The following CSMD1 variants were observed in gnomAD, a reference collection of about 807,000 sequenced individuals.
CSMD1 encodes CUB and sushi domain-containing protein 1.
Under a neutral mutation model 417.5 loss-of-function variants are expected in CSMD1, and 213 were observed. The observed-to-expected ratio is 0.51, with a 90% confidence interval of 0.46 to 0.57. CSMD1 has a LOEUF of 0.57. CSMD1 is among the 20% of genes least tolerant of loss of function. The pLI is 0.00. For missense variants in CSMD1, 6,923 were observed against 4,529.7 expected (o/e 1.53, Z -15.17); for synonymous variants, 2,862 against 1,736.8 (o/e 1.65, Z -16.11).
rs151019518 is a variant in CSMD1, at chr8:4,114,043, C to T, written c.416-81944G>A. ...GAACATCTAAGATCATTGATGAAGA[C>T]GGCTACAATAAACAACAGATTTTCC... On this transcript the variant is annotated intron_variant, in intron 3 of 69. Transcript: ENST00000635120. Among the ~76,000 whole-genome samples the T allele has an allele frequency of 2.8e-4, 42 of 152,258 alleles. No individual in the cohort carries two copies. The East Asian group carries it at 6.4e-3, about 23-fold the overall frequency.
chr8:3,425,493 C>T (rs148420538), intron 12 of CSMD1, among the ~76,000 whole-genome samples: 203 of 148,044 alleles, frequency 1.4e-3, no homozygotes, highest in African/African-American at 4.2e-3. Context: ...GAGGCTGAGG[C>T]AGGAGAACCG....
At chr8:4,368,264 G>T (rs570760653) in intron 3 of CSMD1, among the ~76,000 whole-genome samples, 1 of 151,966 alleles carries the variant, frequency 6.6e-6, no homozygotes, top group Non-Finnish European at 1.5e-5. Context: ...TGGCTTTTTT[G>T]TTCTGTGTAT....
chr8:3,117,762 C>T (rs773480776), intron 42 of CSMD1, among the ~76,000 whole-genome samples: 15 of 152,180 alleles, frequency 9.9e-5, no homozygotes, highest in Non-Finnish European at 1.9e-4. Context: ...CACCATCAAA[C>T]GAGAACTTGC....
At chr8:4,818,262 C>T (rs932011947) in intron 1 of CSMD1, among the ~76,000 whole-genome samples, 1 of 152,060 alleles carries the variant, frequency 6.6e-6, no homozygotes, top group African/African-American at 2.4e-5. Flanking sequence ...ACGATTTTCT[C>T]GTAGGTCACC....
At chr8:3,965,773 A>C (rs1812642290) in intron 5 of CSMD1, among the ~76,000 whole-genome samples, 1 of 151,960 alleles carries the variant, frequency 6.6e-6, no homozygotes, top group African/African-American at 2.4e-5. Context: ...ATGTGACACC[A>C]CACCTGGCTA....
chr8:4,159,893 G>T (rs1052977904), intron 3 of CSMD1, among the ~76,000 whole-genome samples: 1 of 151,744 alleles, frequency 6.6e-6, no homozygotes, highest in African/African-American at 2.4e-5. Flanking sequence ...AGCCTATGAG[G>T]ATGCAAAGGC....
chr8:3,655,761 G>T (rs895212653), intron 7 of CSMD1, among the ~76,000 whole-genome samples: 1 of 151,786 alleles, frequency 6.6e-6, no homozygotes, highest in Non-Finnish European at 1.5e-5. Flanking sequence ...AATTAGCTAC[G>T]GCTGTAGGAG....
chr8:4,741,770 C>T (rs376910553), intron 1 of CSMD1, among the ~76,000 whole-genome samples: 1 of 152,092 alleles, frequency 6.6e-6, no homozygotes, highest in South Asian at 2.1e-4. Flanking sequence ...CAACCCAGAC[C>T]TGCAGGATGC....
chr8:4,017,232 C>G (rs763812957), intron 4 of CSMD1, among the ~76,000 whole-genome samples: 3 of 152,132 alleles, frequency 2.0e-5, no homozygotes, highest in Non-Finnish European at 2.9e-5. Context: ...ATTGTCAGCA[C>G]TATTTTTTTC....
chr8:4,659,341 C>T (rs1000617599), intron 1 of CSMD1, among the ~76,000 whole-genome samples: 2 of 152,066 alleles, frequency 1.3e-5, no homozygotes, highest in Non-Finnish European at 2.9e-5. Flanking sequence ...TCCAAGCTGG[C>T]AGGTAAAATG....
At chr8:4,070,121 T>G (rs1042178103) in intron 3 of CSMD1, among the ~76,000 whole-genome samples, 3 of 152,166 alleles carry the variant, frequency 2.0e-5, no homozygotes, top group African/African-American at 7.2e-5. Context: ...AGTCTTCTTG[T>G]AAATATTACA....
chr8:3,993,988 A>G (rs1235705202), intron 5 of CSMD1, among the ~76,000 whole-genome samples: 1 of 152,146 alleles, frequency 6.6e-6, no homozygotes, highest in Non-Finnish European at 1.5e-5. Flanking sequence ...ACAGGGGCAA[A>G]CTGCAAGGGG....
At chr8:4,459,105 T>C (rs887140432) in intron 2 of CSMD1, among the ~76,000 whole-genome samples, 3 of 152,166 alleles carry the variant, frequency 2.0e-5, no homozygotes, top group Non-Finnish European at 4.4e-5. Flanking sequence ...AGGGTACGCT[T>C]CTAACCAGGA....
intron 5 of CSMD1, among the ~76,000 whole-genome samples, chr8:3,781,805 T>C (rs1799203005): frequency 6.6e-6 from 1 of 152,148 alleles, no homozygotes; most frequent in Admixed American, 6.5e-5. Context: ...TTTAAAAAAG[T>C]TATGACTTTT....
At chr8:4,977,041 A>C (rs1584943811) in intron 1 of CSMD1, among the ~76,000 whole-genome samples, 1 of 152,244 alleles carries the variant, frequency 6.6e-6, no homozygotes, top group East Asian at 1.9e-4. Flanking sequence ...TGTTGGCAAA[A>C]TGCTCATTTT....
chr8:3,610,119 G>A (rs947685474), intron 8 of CSMD1, among the ~76,000 whole-genome samples: 1 of 151,924 alleles, frequency 6.6e-6, no homozygotes, highest in Non-Finnish European at 1.5e-5. Context: ...TTATATGAGA[G>A]GCCCACCATG....
chr8:3,278,288 A>G (rs1802460975), intron 26 of CSMD1: 1 of 152,230 alleles, frequency 6.6e-6, no homozygotes, highest in Admixed American at 6.5e-5. Flanking sequence ...ATTATTTTTT[A>G]AAATGTACTT....
intron 10 of CSMD1, among the ~76,000 whole-genome samples, chr8:3,507,811 G>A (rs1010605199): frequency 1.3e-5 from 2 of 152,276 alleles, no homozygotes; most frequent in East Asian, 3.9e-4. Context: ...CTTCTTTTGA[G>A]AAATATCTGT....
intron 3 of CSMD1, among the ~76,000 whole-genome samples, chr8:4,285,073 CT>C (rs1396094679): frequency 2.0e-5 from 3 of 152,102 alleles, no homozygotes; most frequent in African/African-American, 7.2e-5. Context: ...AGAATGATGC[CT>C]AGTGTGTAGG....
Sources: allele counts gnomAD v4.1 joint callset (sites outside exome capture counted in the v4.1 genomes callset), GRCh38; gene constraint gnomAD v4.1.1; transcripts MANE v1.5; gene names NCBI Gene and HGNC (gene_info 2026-07-23, HGNC 2026-07-21).